The following PDE1A variants were observed in gnomAD, a reference collection of about 807,000 sequenced individuals.
PDE1A encodes the protein phosphodiesterase 1A.
A neutral mutation model predicts 61.7 loss-of-function variants in PDE1A; 35 were observed. That is an observed-to-expected ratio of 0.57 (90% CI 0.43 to 0.75). The LOEUF is 0.75. Among genes scored for constraint, PDE1A ranks in the 30% least tolerant of loss-of-function variants. The probability of loss-of-function intolerance (pLI) is 0.00; values close to 1 mark genes in which losing one functional copy is unlikely to be tolerated. For missense variants in PDE1A, 597 were observed against 630.6 expected (o/e 0.95, Z 0.57); for synonymous variants, 232 against 213.2 (o/e 1.09, Z -0.77).
At chr2:182,251,113 G>C (rs1691366099) in intron 2 of PDE1A, among the ~76,000 whole-genome samples, 1 of 152,174 alleles carries the variant, frequency 6.6e-6, no homozygotes, top group African/African-American at 2.4e-5. Context: ...ATTAGGCATA[G>C]AGCCTAATGC....
chr2:182,586,001 C>A, the PDE1A span, among the ~76,000 whole-genome samples: 3 of 152,188 alleles, frequency 2.0e-5, no homozygotes, highest in Admixed American at 6.5e-5. Context: ...AAAGATATTA[C>A]ACAGATGATA....
intron 1 of PDE1A, among the ~76,000 whole-genome samples, chr2:182,336,982 A>G (rs1320161388): frequency 2.1e-5 from 3 of 145,632 alleles, no homozygotes; most frequent in Non-Finnish European, 4.5e-5. Context: ...TTTTTAAATA[A>G]AGAATAAAAA....
the PDE1A span, among the ~76,000 whole-genome samples, chr2:182,601,221 G>A: frequency 1.3e-5 from 2 of 152,178 alleles, no homozygotes; most frequent in Non-Finnish European, 2.9e-5. Flanking sequence ...TGTAGGGTCC[G>A]GCCACTGCAC....
rs779152651 is a variant in PDE1A at position 182,205,973 on chromosome 2, T to C, written c.869A>G (p.Asn290Ser). 7 of 1,611,024 alleles carry C rather than the reference T, an allele frequency of 4.3e-6. No homozygotes were observed. The Admixed American group carries it at 5.0e-5, about 12-fold the overall frequency. The change falls in exon 8 of 14, where the codon AAT becomes AGT. Residue 290 changes from asparagine to serine, a missense_variant. Physicochemically the swap from Asn to Ser is conservative, Grantham distance 46 (BLOSUM62 1). Transcript: ENST00000351439. Reference sequence around the variant, plus strand: ...ATCTTTGGATAAATTTATCAAGATATTCATTTCTTCTTCTTGCATAAGTCG... The same window carrying C: ...ATCTTTGGATAAATTTATCAAGATACTCATTTCTTCTTCTTGCATAAGTCG...
chr2:182,534,293 A>T, the PDE1A span, among the ~76,000 whole-genome samples: 1 of 151,924 alleles, frequency 6.6e-6, no homozygotes, highest in Non-Finnish European at 1.5e-5. Flanking sequence ...TGTTATAAAG[A>T]ATTCTCTAAT....
chr2:182,371,877 T>C (rs561918715), intron 1 of PDE1A, among the ~76,000 whole-genome samples: 138 of 152,338 alleles, frequency 9.1e-4, no homozygotes, highest in Non-Finnish European at 1.5e-3. Context: ...CTCCGTTTCC[T>C]GGGCTCAAGG....
intron 1 of PDE1A, among the ~76,000 whole-genome samples, chr2:182,416,703 C>T (rs1173292702): frequency 6.6e-6 from 1 of 152,092 alleles, no homozygotes; most frequent in Non-Finnish European, 1.5e-5. Flanking sequence ...ATAAAGAAGG[C>T]ATGTTTTGGA....
chr2:182,470,259 A>G (rs1226540315), intron 2 of PDE1A, among the ~76,000 whole-genome samples: 1 of 151,924 alleles, frequency 6.6e-6, no homozygotes, highest in African/African-American at 2.4e-5. Flanking sequence ...AAAATAGACC[A>G]ACATTTCATA....
the PDE1A span, among the ~76,000 whole-genome samples, chr2:182,618,760 T>C: frequency 8.5e-5 from 13 of 152,362 alleles, no homozygotes; most frequent in African/African-American, 3.1e-4. Context: ...TGAAAAATTA[T>C]CTGTTTACAG....
chr2:182,554,067 T>C, the PDE1A span, among the ~76,000 whole-genome samples: 4 of 152,138 alleles, frequency 2.6e-5, no homozygotes, highest in Admixed American at 2.6e-4. Context: ...GAGAGTTGAT[T>C]ACAAGGCACA....
chr2:182,350,074 C>T (rs534332373), intron 1 of PDE1A, among the ~76,000 whole-genome samples: 7 of 152,218 alleles, frequency 4.6e-5, no homozygotes, highest in South Asian at 4.2e-4. Context: ...CTGCCCCCAC[C>T]GAGTGTAACC....
the PDE1A span, among the ~76,000 whole-genome samples, chr2:182,700,503 C>T: frequency 3.3e-5 from 5 of 151,816 alleles, no homozygotes; most frequent in Non-Finnish European, 5.9e-5. Context: ...GCGGGTGGCT[C>T]ACAAGGTCAG....
intron 13 of PDE1A, among the ~76,000 whole-genome samples, chr2:182,182,735 T>C (rs373887462): frequency 6.6e-6 from 1 of 151,910 alleles, no homozygotes; most frequent in Non-Finnish European, 1.5e-5. Context: ...GTTTCTGGCA[T>C]GTCAGGCAAG....
chr2:182,219,759 CAAAATAA>C (rs1453580139), intron 7 of PDE1A, among the ~76,000 whole-genome samples: 2 of 151,934 alleles, frequency 1.3e-5, no homozygotes, highest in African/African-American at 4.8e-5. Flanking sequence ...TAGACAAGGA[CAAAATAA>C]AAAATGAAAA....
intron 2 of PDE1A, among the ~76,000 whole-genome samples, chr2:182,484,641 T>C (rs1160600179): frequency 6.6e-6 from 1 of 152,008 alleles, no homozygotes; most frequent in African/African-American, 2.4e-5. Context: ...ATCCAGCTTC[T>C]ATAAGGAACT....
intron 2 of PDE1A, among the ~76,000 whole-genome samples, chr2:182,522,118 G>C (rs1047667111): frequency 6.6e-6 from 1 of 152,056 alleles, no homozygotes; most frequent in Non-Finnish European, 1.5e-5. Context: ...AAAATCATTC[G>C]TCTTTCAACA....
chr2:182,436,442 T>G (rs1684416077), intron 2 of PDE1A, among the ~76,000 whole-genome samples: 1 of 152,010 alleles, frequency 6.6e-6, no homozygotes, highest in African/African-American at 2.4e-5. Context: ...CCAAGCCCCA[T>G]ACTGGACATA....
chr2:182,211,389 T>C (rs1412250657), intron 7 of PDE1A, among the ~76,000 whole-genome samples: 1 of 152,260 alleles, frequency 6.6e-6, no homozygotes, highest in Admixed American at 6.5e-5. Context: ...TCTGTCCTTT[T>C]ATCAATACTA....
At chr2:182,334,883 T>A (rs527469112) in intron 1 of PDE1A, among the ~76,000 whole-genome samples, 1 of 152,316 alleles carries the variant, frequency 6.6e-6, no homozygotes, top group African/African-American at 2.4e-5. Context: ...AACCCCATTG[T>A]CTCAGCCCAA....
Sources: allele counts gnomAD v4.1 joint callset (sites outside exome capture counted in the v4.1 genomes callset), GRCh38; gene constraint gnomAD v4.1.1; transcripts MANE v1.5; gene names NCBI Gene and HGNC (gene_info 2026-07-23, HGNC 2026-07-21).